The following NKAIN2 variants were observed in gnomAD, a reference collection of about 807,000 sequenced individuals.
NKAIN2 encodes the protein sodium/potassium transporting ATPase interacting 2.
A neutral mutation model predicts 32.6 loss-of-function variants in NKAIN2; 14 were observed. The observed-to-expected ratio is 0.43, with a 90% CI of 0.28 to 0.67. The LOEUF (loss-of-function observed/expected upper bound fraction) is 0.67. Ranked by LOEUF, NKAIN2 falls within the 30% of genes least tolerant of loss-of-function variation. The pLI is 0.17. For missense variants in NKAIN2, 198 were observed against 258.3 expected (o/e 0.77, Z 1.60); for synonymous variants, 80 against 87.2 (o/e 0.92, Z 0.46).
At chr6:123,955,164 T>C (rs1289137862) in intron 1 of NKAIN2, among the ~76,000 whole-genome samples, 1 of 131,930 alleles carries the variant, frequency 7.6e-6, no homozygotes, top group Non-Finnish European at 1.6e-5. Flanking sequence ...TAGAAGAGTA[T>C]ATAACTGATT....
intron 3 of NKAIN2, among the ~76,000 whole-genome samples, chr6:124,479,517 G>A (rs979731751): frequency 1.3e-5 from 2 of 152,132 alleles, no homozygotes; most frequent in Non-Finnish European, 1.5e-5. Context: ...CTTTCACATG[G>A]TAATGGGATG....
intron 1 of NKAIN2, among the ~76,000 whole-genome samples, chr6:124,198,289 G>A (rs1790421608): frequency 6.6e-6 from 1 of 151,916 alleles, no homozygotes; most frequent in Admixed American, 6.6e-5. Context: ...TTTAGCAGTA[G>A]ACTGCAGTTG....
At chr6:123,953,522 G>T (rs570681962) in intron 1 of NKAIN2, among the ~76,000 whole-genome samples, 10 of 152,282 alleles carry the variant, frequency 6.6e-5, no homozygotes, top group Middle Eastern at 3.4e-3. Flanking sequence ...GCTGTGATGG[G>T]CTGGGTGGAC....
At chr6:124,158,510 G>A (rs1277624252) in intron 1 of NKAIN2, among the ~76,000 whole-genome samples, 2 of 152,130 alleles carry the variant, frequency 1.3e-5, no homozygotes, top group Non-Finnish European at 2.9e-5. Flanking sequence ...ACTGATCAGT[G>A]CCAGAATGCT....
intron 1 of NKAIN2, among the ~76,000 whole-genome samples, chr6:124,218,489 C>T (rs1384762893): frequency 6.6e-6 from 1 of 152,116 alleles, no homozygotes; most frequent in East Asian, 1.9e-4. Context: ...CTTAATAGGA[C>T]ACCTATTTCA....
intron 3 of NKAIN2, among the ~76,000 whole-genome samples, chr6:124,625,764 A>C (rs1783302045): frequency 1.3e-5 from 2 of 151,912 alleles, no homozygotes; most frequent in Admixed American, 6.6e-5. Flanking sequence ...TCAAAGTGCT[A>C]TGTACATTTT....
chr6:124,786,471 G>C (rs1328036905), intron 4 of NKAIN2, among the ~76,000 whole-genome samples: 1 of 151,956 alleles, frequency 6.6e-6, no homozygotes, highest in Non-Finnish European at 1.5e-5. Flanking sequence ...AAAAGGCTTT[G>C]GTTTCATTTT....
chr6:124,744,577 G>GT (rs1777370615), intron 4 of NKAIN2, among the ~76,000 whole-genome samples: 2 of 151,554 alleles, frequency 1.3e-5, no homozygotes, highest in Admixed American at 1.3e-4. Context: ...TTATCCCCGT[G>GT]TAGTGAACAC....
intron 3 of NKAIN2, among the ~76,000 whole-genome samples, chr6:124,410,662 T>A (rs1190624195): frequency 6.6e-6 from 1 of 152,186 alleles, no homozygotes; most frequent in Non-Finnish European, 1.5e-5. Context: ...CTGAAAAGAA[T>A]GTATATTCTA....
chr6:124,038,699 T>C (rs1051286346), intron 1 of NKAIN2, among the ~76,000 whole-genome samples: 1 of 152,120 alleles, frequency 6.6e-6, no homozygotes, highest in Non-Finnish European at 1.5e-5. Context: ...TTCTATATCA[T>C]AACTGGCTCA....
chr6:124,694,993 G>A (rs185286048), intron 4 of NKAIN2, among the ~76,000 whole-genome samples: 2 of 152,200 alleles, frequency 1.3e-5, no homozygotes, highest in Non-Finnish European at 2.9e-5. Flanking sequence ...AGCTCTAGCA[G>A]TACCTTTATA....
chr6:123,811,788 T>C, intron 1 of NKAIN2, among the ~76,000 whole-genome samples: 1 of 152,188 alleles, frequency 6.6e-6, no homozygotes, highest in East Asian at 1.9e-4. Context: ...CAACTAGTTT[T>C]TTTTCATAGA....
intron 1 of NKAIN2, among the ~76,000 whole-genome samples, chr6:124,229,533 T>TAGACAGACAGACAGACAGAC (rs71021483): frequency 6.7e-6 from 1 of 149,066 alleles, no homozygotes; most frequent in African/African-American, 2.5e-5. Flanking sequence ...GATAGATAGA[T>TAGACAGACAGACAGACAGAC]AGACAGACAG....
chr6:124,643,066 C>T (rs1784048469), intron 3 of NKAIN2, among the ~76,000 whole-genome samples: 1 of 152,118 alleles, frequency 6.6e-6, no homozygotes, highest in South Asian at 2.1e-4. Context: ...GTACTGGTTG[C>T]ACCACATATC....
chr6:124,726,046 T>C (rs899289183), intron 4 of NKAIN2, among the ~76,000 whole-genome samples: 5 of 152,154 alleles, frequency 3.3e-5, no homozygotes, highest in Non-Finnish European at 7.4e-5. Flanking sequence ...GCACCTGGCT[T>C]GGAGGGTCCT....
intron 3 of NKAIN2, among the ~76,000 whole-genome samples, chr6:124,614,946 G>A (rs904499382): frequency 6.6e-6 from 1 of 152,170 alleles, no homozygotes; most frequent in African/African-American, 2.4e-5. Flanking sequence ...TGAAGTCAGG[G>A]CCTCTATCAC....
intron 3 of NKAIN2, among the ~76,000 whole-genome samples, chr6:124,382,529 T>C (rs1772692086): frequency 1.3e-5 from 2 of 152,136 alleles, no homozygotes; most frequent in South Asian, 2.1e-4. Context: ...TACACAATAT[T>C]GGGGTAGTTC....
chr6:124,061,216 A>T (rs1384967045), intron 1 of NKAIN2, among the ~76,000 whole-genome samples: 1 of 152,178 alleles, frequency 6.6e-6, no homozygotes, highest in East Asian at 1.9e-4. Context: ...TTGAAGATAA[A>T]TAGGAGTACA....
intron 3 of NKAIN2, among the ~76,000 whole-genome samples, chr6:124,430,433 G>C (rs1019999302): frequency 1.3e-5 from 2 of 152,128 alleles, no homozygotes; most frequent in Non-Finnish European, 2.9e-5. Flanking sequence ...CAGCTTGGGA[G>C]TTCTCACTTG....
Sources: gnomAD v4.1 joint callset for allele counts (sites outside exome capture counted in the v4.1 genomes callset) on GRCh38, gnomAD v4.1.1 for gene constraint, MANE v1.5 for transcripts, NCBI Gene and HGNC (gene_info 2026-07-23, HGNC 2026-07-21) for gene names.